Variants in WASF1 observed in about 807,000 individuals in gnomAD.
WASF1 encodes actin-binding protein WASF1.
WASF1 carries 7 observed loss-of-function variants against 50.5 expected under a neutral mutation model. The observed-to-expected ratio is 0.14, with a 90% CI of 0.08 to 0.26. The LOEUF (loss-of-function observed/expected upper bound fraction) is 0.26. WASF1 is among the 10% of genes least tolerant of loss of function. The pLI is 1.00. For missense variants in WASF1, 470 were observed against 694.7 expected (o/e 0.68, Z 3.64); for synonymous variants, 205 against 244.0 (o/e 0.84, Z 1.49).
At chr6:110,142,975 T>TAAAAAAAAAAAAAA (rs1396721363) in intron 3 of WASF1, among the ~76,000 whole-genome samples, 41 of 97,834 alleles carry the variant, frequency 4.2e-4, no homozygotes, top group Middle Eastern at 6.3e-3. Flanking sequence ...AAAAAAAAAC[T>TAAAAAAAAAAAAAA]AAAGCAATTC....
At chr6:110,174,322 T>C (rs969335341) in intron 2 of WASF1, among the ~76,000 whole-genome samples, 18 of 152,152 alleles carry the variant, frequency 1.2e-4, no homozygotes, top group Admixed American at 9.8e-4. Context: ...CACCTGTTTT[T>C]TACTATACTG....
intron 2 of WASF1, among the ~76,000 whole-genome samples, chr6:110,168,553 C>T (rs1226886846): frequency 6.6e-6 from 1 of 152,122 alleles, no homozygotes; most frequent in African/African-American, 2.4e-5. Context: ...TAACCACCTT[C>T]ATCCCTCCAA....
chr6:110,113,371 G>A lies in WASF1; in HGVS notation c.223C>T (p.Arg75Cys), dbSNP rs866496415. Residue 75 changes from arginine to cysteine, a missense_variant, in exon 5 of 11, where the codon CGT (arginine) becomes TGT (cysteine). Around this residue, in one of 3 missense-constraint regions of WASF1, gnomAD observed 140 missense variants for 260.5 expected, o/e 0.54. Coordinates refer to ENST00000392589, the MANE Select transcript of WASF1 (RefSeq NM_003931.3). ...RVNSLQERVD[R>C]LSVSVTQLDP... Reference sequence around the variant, plus strand: ...AGCTGTGTAACACTAACAGATAAACGGTCCACACGTTCTTGCAATGAGTTG... The same window carrying A: ...AGCTGTGTAACACTAACAGATAAACAGTCCACACGTTCTTGCAATGAGTTG... 13 of 1,602,258 alleles carry A rather than the reference G, an allele frequency of 8.1e-6. No individual in the cohort carries two copies. Among genetic ancestry groups the A allele is most frequent in the African/African-American group, 1.3e-5 (1 of 74,336 alleles).
chr6:110,105,436 A>G lies in WASF1; in HGVS notation c.684T>C (p.Ala228=). The G allele has an allele frequency of 6.2e-7, 1 of 1,609,278 alleles. No individual in the cohort carries two copies. The highest frequency in any genetic ancestry group is 8.5e-7 in the Non-Finnish European group (1 of 1,178,388). ...ANLLHKHIEV[A]NGPASHFETR... ...TTTCAAAATGAGAGGCTGGGCCATT[A>G]GCAACTTCAATATGCTTATGTAAGA... Residue 228 remains alanine, a synonymous_variant, in exon 8 of 11, where the codon GCT becomes GCC. Coordinates refer to ENST00000392589, the MANE Select transcript of WASF1 (RefSeq NM_003931.3).
At chr6:110,168,089 A>T (rs559731109) in intron 2 of WASF1, among the ~76,000 whole-genome samples, 152 of 152,144 alleles carry the variant, frequency 1.0e-3, no homozygotes, top group Non-Finnish European at 1.8e-3. Context: ...ACCTCAAAGA[A>T]TATTTAATTA....
chr6:110,120,591 C>G (rs145066537), intron 4 of WASF1, among the ~76,000 whole-genome samples: 2 of 149,262 alleles, frequency 1.3e-5, no homozygotes, highest in African/African-American at 5.0e-5. Flanking sequence ...GAATCAATAC[C>G]GTGAAAATGG....
intron 2 of WASF1, among the ~76,000 whole-genome samples, chr6:110,165,654 T>C (rs1354296782): frequency 6.6e-6 from 1 of 151,810 alleles, no homozygotes; most frequent in Admixed American, 6.6e-5. Context: ...CTTTTTCTTT[T>C]TTTATAATAT....
At chr6:110,131,191 T>C (rs1264653132) in intron 3 of WASF1, among the ~76,000 whole-genome samples, 4 of 152,210 alleles carry the variant, frequency 2.6e-5, no homozygotes, top group South Asian at 2.1e-4. Context: ...TCTCAATCTT[T>C]TCAAGTTTAG....
At chr6:110,100,951 A>G (rs1773056334) in intron 10 of WASF1, among the ~76,000 whole-genome samples, 1 of 152,150 alleles carries the variant, frequency 6.6e-6, no homozygotes, top group African/African-American at 2.4e-5. Flanking sequence ...ACCACCCCCT[A>G]AAAAATTAAT....
intron 2 of WASF1, among the ~76,000 whole-genome samples, chr6:110,171,562 T>C (rs1776716620): frequency 6.6e-6 from 1 of 152,040 alleles, no homozygotes. Context: ...GAAGGATCTA[T>C]AAAACCATAA....
At chr6:110,109,449 C>T (rs1178718291) in intron 5 of WASF1, among the ~76,000 whole-genome samples, 3 of 151,882 alleles carry the variant, frequency 2.0e-5, no homozygotes, top group East Asian at 1.9e-4. Context: ...ACTGATATCC[C>T]GATATTAAAA....
intron 3 of WASF1, among the ~76,000 whole-genome samples, chr6:110,146,098 G>A (rs1253965566): frequency 5.3e-5 from 8 of 152,036 alleles, no homozygotes; most frequent in Admixed American, 5.2e-4. Context: ...AAACCTGCAC[G>A]TTGTGCACAT....
chr6:110,149,799 C>A (rs976448021), intron 3 of WASF1, among the ~76,000 whole-genome samples: 1 of 152,090 alleles, frequency 6.6e-6, no homozygotes, highest in Non-Finnish European at 1.5e-5. Flanking sequence ...TTATGGTACA[C>A]CCATCACCTG....
intron 4 of WASF1, among the ~76,000 whole-genome samples, chr6:110,120,851 G>A (rs1774081919): frequency 6.6e-6 from 1 of 152,082 alleles, no homozygotes; most frequent in Non-Finnish European, 1.5e-5. Flanking sequence ...ATAGACCAAT[G>A]GAACAGAACA....
chr6:110,171,635 A>ATATTTT (rs1776719709), intron 2 of WASF1, among the ~76,000 whole-genome samples: 1 of 152,044 alleles, frequency 6.6e-6, no homozygotes, highest in Non-Finnish European at 1.5e-5. Context: ...GGACTTCATG[A>ATATTTT]CTAATACACC....
At chr6:110,151,137 G>A (rs1775804695) in intron 3 of WASF1, among the ~76,000 whole-genome samples, 1 of 152,262 alleles carries the variant, frequency 6.6e-6, no homozygotes, top group African/African-American at 2.4e-5. Flanking sequence ...AAACCACTGG[G>A]TCATAGGGTA....
intron 2 of WASF1, among the ~76,000 whole-genome samples, chr6:110,173,217 A>T (rs566581060): frequency 6.6e-6 from 1 of 152,248 alleles, no homozygotes; most frequent in East Asian, 1.9e-4. Context: ...TTTTCAAATA[A>T]GTTAGTCAAT....
At chr6:110,134,188 G>A (rs1407002495) in intron 3 of WASF1, among the ~76,000 whole-genome samples, 3 of 152,046 alleles carry the variant, frequency 2.0e-5, no homozygotes, top group Non-Finnish European at 4.4e-5. Flanking sequence ...GAAGTGCTGG[G>A]ATTACAGGTG....
chr6:110,148,382 T>G lies in WASF1; in HGVS notation c.-29+12253A>C, dbSNP rs992780775. Among the ~76,000 whole-genome samples, 61 of 152,018 alleles carry G rather than the reference T, an allele frequency of 4.0e-4. 1 individual carries two copies. The highest frequency in any genetic ancestry group is 1.4e-3 in the African/African-American group (59 of 41,370). Reference sequence around the variant, plus strand: ...TAGTATCTAATTACGCTTATAAGTATAATGGAGTAAAAGTAGGGGACACTA... The same window carrying G: ...TAGTATCTAATTACGCTTATAAGTAGAATGGAGTAAAAGTAGGGGACACTA... On this transcript the variant is annotated intron_variant, in intron 3 of 10. Coordinates refer to ENST00000392589, the MANE Select transcript of WASF1 (RefSeq NM_003931.3).
Sources: allele counts gnomAD v4.1 joint callset (sites outside exome capture counted in the v4.1 genomes callset), GRCh38; gene constraint gnomAD v4.1.1; regional missense constraint gnomAD v4.1.1; transcripts MANE v1.5; gene names NCBI Gene and HGNC (gene_info 2026-07-23, HGNC 2026-07-21).